THSD7B: variants seen among roughly 807,000 people sequenced by gnomAD.
The protein encoded by THSD7B is thrombospondin type-1 domain-containing protein 7B.
A neutral mutation model predicts 213.6 loss-of-function variants in THSD7B; 138 were observed. That is an observed-to-expected ratio of 0.65 (90% CI 0.56 to 0.74). THSD7B has a LOEUF of 0.74. Ranked by LOEUF, THSD7B falls within the 30% of genes least tolerant of loss-of-function variation. The pLI, the probability that THSD7B is intolerant of heterozygous loss-of-function variation, is 0.00. For synonymous variants in THSD7B, 742 were observed against 687.0 expected (o/e 1.08, Z -1.25); for missense variants, 1,931 against 1,991.5 (o/e 0.97, Z 0.58).
chr2:136,848,762 A>T (rs1234443735), intron 1 of THSD7B, among the ~76,000 whole-genome samples: 1 of 152,106 alleles, frequency 6.6e-6, no homozygotes, highest in Non-Finnish European at 1.5e-5. Context: ...ATTCTCTTGA[A>T]AGTTTGTTTA....
intron 1 of THSD7B, among the ~76,000 whole-genome samples, chr2:136,868,605 A>C (rs778178): frequency 0.4 from 61,371 of 151,986 alleles, 13,037 homozygotes; most frequent in Middle Eastern, 0.65. Flanking sequence ...TACATCGCAG[A>C]AAATGTTAAT....
At chr2:137,161,959 C>T (rs891223791) in intron 6 of THSD7B, among the ~76,000 whole-genome samples, 3 of 152,192 alleles carry the variant, frequency 2.0e-5, no homozygotes, top group Non-Finnish European at 4.4e-5. Context: ...GTGGCTGTGA[C>T]ATCACTTTGC....
chr2:137,042,592 T>C (rs1001125476), intron 2 of THSD7B, among the ~76,000 whole-genome samples: 5 of 152,218 alleles, frequency 3.3e-5, no homozygotes, highest in African/African-American at 9.6e-5. Flanking sequence ...CCTCCTTTCT[T>C]ACTAAACTCA....
chr2:137,325,270 T>A (rs1684345231), intron 12 of THSD7B, among the ~76,000 whole-genome samples: 1 of 152,192 alleles, frequency 6.6e-6, no homozygotes, highest in Non-Finnish European at 1.5e-5. Context: ...TGAACTGAAG[T>A]GAAAGCAAGC....
intron 12 of THSD7B, among the ~76,000 whole-genome samples, chr2:137,303,730 A>C (rs12476934): frequency 5.5e-5 from 7 of 126,662 alleles, no homozygotes; most frequent in South Asian, 5.0e-4. Context: ...ATATATATTT[A>C]TATATATATT....
intron 1 of THSD7B, among the ~76,000 whole-genome samples, chr2:136,875,420 AAAAT>A (rs1317282979): frequency 6.6e-6 from 1 of 152,232 alleles, no homozygotes; most frequent in Non-Finnish European, 1.5e-5. Flanking sequence ...AGACTGTCAA[AAAAT>A]AAATAAAGAA....
chr2:137,363,877 CT>C (rs1257549592), intron 12 of THSD7B, among the ~76,000 whole-genome samples: 3 of 152,324 alleles, frequency 2.0e-5, no homozygotes, highest in East Asian at 3.9e-4. Context: ...GGAATCCCCC[CT>C]AACTCATTTT....
chr2:137,575,440 T>C (rs1573718999), intron 17 of THSD7B, among the ~76,000 whole-genome samples: 1 of 152,026 alleles, frequency 6.6e-6, no homozygotes, highest in Non-Finnish European at 1.5e-5. Flanking sequence ...AAACATGACT[T>C]ATATCTAATT....
At chr2:137,350,234 A>C (rs1316882135) in intron 12 of THSD7B, among the ~76,000 whole-genome samples, 3 of 151,880 alleles carry the variant, frequency 2.0e-5, no homozygotes, top group Non-Finnish European at 4.4e-5. Context: ...AGAGTACAAT[A>C]AATAAGTCTA....
chr2:137,555,544 T>C (rs1680942625), intron 15 of THSD7B, among the ~76,000 whole-genome samples: 1 of 152,078 alleles, frequency 6.6e-6, no homozygotes. Flanking sequence ...CCCATCTGTA[T>C]GTCACTATCA....
chr2:137,334,667 A>C (rs1041918459), intron 12 of THSD7B, among the ~76,000 whole-genome samples: 1 of 152,182 alleles, frequency 6.6e-6, no homozygotes, highest in Non-Finnish European at 1.5e-5. Context: ...CGGCATTCTT[A>C]GGGTATTTCT....
chr2:137,315,713 A>G (rs940703053), intron 12 of THSD7B, among the ~76,000 whole-genome samples: 1 of 152,164 alleles, frequency 6.6e-6, no homozygotes, highest in African/African-American at 2.4e-5. Context: ...TTTAGATGGA[A>G]TATATTTAGG....
At chr2:137,474,618 A>G (rs1229083951) in intron 15 of THSD7B, among the ~76,000 whole-genome samples, 5 of 152,196 alleles carry the variant, frequency 3.3e-5, no homozygotes, top group African/African-American at 9.7e-5. Flanking sequence ...TATGCTTTCT[A>G]GGTCTATATT....
chr2:137,411,947 T>G, intron 14 of THSD7B, 75 bp downstream of exon 14: 3 of 1,512,382 alleles, frequency 2.0e-6, no homozygotes, highest in African/African-American at 2.8e-5. Context: ...GGTCTAGAAT[T>G]AATAGCTCTG....
At chr2:137,298,400 GCAGC>G (rs1683517843) in intron 12 of THSD7B, among the ~76,000 whole-genome samples, 1 of 152,148 alleles carries the variant, frequency 6.6e-6, no homozygotes, top group Admixed American at 6.5e-5. Context: ...CAGAAAATTT[GCAGC>G]CTGACGATGC....
intron 20 of THSD7B, among the ~76,000 whole-genome samples, chr2:137,639,889 A>G (rs13019498): frequency 0.098 from 14,873 of 152,198 alleles, 936 homozygotes; most frequent in South Asian, 0.15. Context: ...CTAGGAAGTA[A>G]CTAGCTTGCT....
At chr2:136,799,810 C>A (rs3951771) in intron 1 of THSD7B, among the ~76,000 whole-genome samples, 1 of 151,746 alleles carries the variant, frequency 6.6e-6, no homozygotes, top group African/African-American at 2.4e-5. Flanking sequence ...TATTCTTAAA[C>A]GCCCATTCTT....
chr2:137,607,745 G>A (rs1682210783), intron 17 of THSD7B, among the ~76,000 whole-genome samples: 1 of 152,028 alleles, frequency 6.6e-6, no homozygotes, highest in African/African-American at 2.4e-5. Flanking sequence ...ATATAAACAG[G>A]TGACAGCCTC....
chr2:137,490,011 G>T (rs1573657267), intron 15 of THSD7B, among the ~76,000 whole-genome samples: 2 of 152,142 alleles, frequency 1.3e-5, no homozygotes, highest in Non-Finnish European at 2.9e-5. Flanking sequence ...GAAATCAATG[G>T]TATTTTGAGT....
Sources: allele counts gnomAD v4.1 joint callset (sites outside exome capture counted in the v4.1 genomes callset), GRCh38; gene constraint gnomAD v4.1.1; transcripts MANE v1.5; gene names NCBI Gene and HGNC (gene_info 2026-07-23, HGNC 2026-07-21).